Variants in ARFIP2 observed in about 807,000 individuals in gnomAD.
ARFIP2 encodes arfaptin-2.
In ARFIP2, 14 loss-of-function variants were observed where a neutral mutation model predicts 39.2. The observed-to-expected ratio is 0.36, with a 90% CI of 0.24 to 0.56. The LOEUF (loss-of-function observed/expected upper bound fraction) is 0.56. Ranked by LOEUF, ARFIP2 falls within the 20% of genes least tolerant of loss-of-function variation. The pLI, the probability that ARFIP2 is intolerant of heterozygous loss-of-function variation, is 0.85. For synonymous variants in ARFIP2, 167 were observed against 172.4 expected, an observed-to-expected ratio of 0.97 and a Z score of 0.24; for missense variants, 305 against 422.5, an observed-to-expected ratio of 0.72 and a Z score of 2.44.
At chr11:6,479,018 A>T (rs1007788227) in intron 4 of ARFIP2, 59 bp from the exon 5 acceptor site, 6 of 1,591,726 alleles carry the variant, frequency 3.8e-6, no homozygotes, top group Non-Finnish European at 5.2e-6. Flanking sequence ...CACAACAGGT[A>T]TCTACCCCAG....
intron 3 of ARFIP2, 124 bp from the exon 4 acceptor site, chr11:6,479,382 G>A: frequency 6.3e-7 from 1 of 1,592,894 alleles, no homozygotes; most frequent in Non-Finnish European, 8.5e-7. Context: ...AGAGACAACT[G>A]GATGCTCCTG....
chr11:6,481,255 C>T lies in ARFIP2; in HGVS notation c.-67G>A, dbSNP rs867508075. 1.8e-4 allele frequency: 107 copies of T among 599,840 alleles called. No individual in the cohort carries two copies. Among genetic ancestry groups the T allele is most frequent in the South Asian group, 5.2e-4 (26 of 49,564 alleles). The allele number at this position is 599,840 out of a possible 1,614,324, so 37.2% of individuals were successfully genotyped here. On this transcript the variant is annotated 5_prime_UTR_variant, in exon 1 of 8. Transcript: ENST00000396777. ...CCTCGGGCCGGGCCGCTCTTCCCCT[C>T]AGGGCGCCAGGCCCGGGCCGCGCGG...
rs751896921 is a variant in ARFIP2 at position 6,477,901 on chromosome 11, G to T, written c.696-9C>A. 6.2e-7 allele frequency: 1 copy of T among 1,613,396 alleles called. No individual in the cohort carries two copies. The highest frequency in any genetic ancestry group is 1.1e-5 in the South Asian group (1 of 91,060). Reference sequence around the variant, plus strand: ...AGGCATCATATTCCAGCCTGGGGAGGGGGTGATAAAGGCTGGTCTCCACTC... The same window carrying T: ...AGGCATCATATTCCAGCCTGGGGAGTGGGTGATAAAGGCTGGTCTCCACTC... On this transcript the variant is annotated splice_polypyrimidine_tract_variant and intron_variant, in intron 6 of 7. Transcript: ENST00000396777. This position sits in a 1 kb window ranked among gnomAD's most constrained non-coding sequence, Gnocchi z 4.8.
Position 6,478,686 on chromosome 11 carries a change from C to T in ARFIP2, c.537+52G>A. ...GGGAGGGAGGATGAGGAATGACTGC[C>T]TGGGAGGGCCCATGCCCAGTTCCCC... On this transcript the variant is annotated intron_variant, in intron 5 of 7. Transcript: ENST00000396777. The surrounding 1 kb of genome is among the most constrained non-coding windows in gnomAD (Gnocchi z 4.8). 1 of 1,571,282 alleles carries T rather than the reference C, an allele frequency of 6.4e-7. No individual in the cohort carries two copies. Among genetic ancestry groups the T allele is most frequent in the South Asian group, 1.2e-5 (1 of 86,222 alleles).
At chr11:6,480,218 G>C in intron 2 of ARFIP2, 105 bp downstream of exon 2, 2 of 1,298,648 alleles carry the variant, frequency 1.5e-6, no homozygotes, top group Non-Finnish European at 2.2e-6. Context: ...AGAATGAAGG[G>C]AGTCAGATAA....
In ARFIP2 at chr11:6,479,409, C is replaced by T. The variant is rs545760811; in HGVS notation, c.197-151G>A. On this transcript the variant is annotated intron_variant, in intron 3 of 7. Coordinates refer to ENST00000396777, the MANE Select transcript of ARFIP2 (RefSeq NM_001376558.2). ...ATGCTCCTGCTTACTAGGAGGAACT[C>T]GGACTTTGCGCGGTGAGAACCAAAT... The T allele has an allele frequency of 5.7e-5, 88 of 1,534,860 alleles. No individual in the cohort carries two copies. In the Admixed American group the frequency reaches 1.2e-3, roughly 21 times the overall value.
At position 6,478,444 on chromosome 11, in the gene ARFIP2, G is replaced by A; in HGVS notation, c.538-246C>T. ...CAAGACTGGAACAGTCTGAGAGCTA[G>A]TGTGGCAAGCAGGGGAGGGGCTCTG... On this transcript the variant is annotated intron_variant, in intron 5 of 7. Coordinates refer to ENST00000396777, the MANE Select transcript of ARFIP2 (RefSeq NM_001376558.2). This position sits in a 1 kb window ranked among gnomAD's most constrained non-coding sequence, Gnocchi z 4.8. 1 of 991,562 alleles carries A rather than the reference G, an allele frequency of 1.0e-6. No individual in the cohort carries two copies. The highest frequency in any genetic ancestry group is 2.6e-5 in the East Asian group (1 of 37,910). The allele number at this position is 991,562 out of a possible 1,614,324, so 61.4% of individuals were successfully genotyped here.
rs780656685 is a variant in ARFIP2, at chr11:6,478,713, A to C, written c.537+25T>G. ...GGGAGGGCCCATGCCCAGTTCCCCC[A>C]CCCTCTTTGGTCTGGGTGAGGCACC... On this transcript the variant is annotated intron_variant, in intron 5 of 7. Coordinates refer to ENST00000396777, the MANE Select transcript of ARFIP2 (RefSeq NM_001376558.2). This position sits in a 1 kb window ranked among gnomAD's most constrained non-coding sequence, Gnocchi z 4.8. 2 of 1,599,510 alleles carry C rather than the reference A, an allele frequency of 1.3e-6. No homozygotes were observed. Among genetic ancestry groups the C allele is most frequent in the Non-Finnish European group, 1.7e-6 (2 of 1,169,520 alleles).
Position 6,477,979 on chromosome 11 carries a change from T to C in ARFIP2, c.695+62A>G. On this transcript the variant is annotated intron_variant, in intron 6 of 7. Coordinates refer to ENST00000396777, the MANE Select transcript of ARFIP2 (RefSeq NM_001376558.2). This position sits in a 1 kb window ranked among gnomAD's most constrained non-coding sequence, Gnocchi z 4.8. Reference sequence around the variant, plus strand: ...CCTTCCTGAATTCTTATGCCCCTAATGCCCAAATTTCCACCCATACCAGCC... The same window carrying C: ...CCTTCCTGAATTCTTATGCCCCTAACGCCCAAATTTCCACCCATACCAGCC... 6.2e-7 allele frequency: 1 copy of C among 1,605,850 alleles called. No homozygotes were observed. Among genetic ancestry groups the C allele is most frequent in the Non-Finnish European group, 8.5e-7 (1 of 1,174,094 alleles).
rs750272738 is a variant in ARFIP2 at position 6,479,234 on chromosome 11, C to T, written c.221G>A (p.Ser74Asn). 8 of 1,614,050 alleles carry T rather than the reference C, an allele frequency of 5.0e-6. No homozygotes were observed. The highest frequency in any genetic ancestry group is 2.2e-5 in the East Asian group (1 of 44,894). The change falls in exon 4 of 8, where the codon AGC becomes AAC. Residue 74 changes from serine (S) to asparagine (N), a missense_variant. Around this residue, in one of 3 missense-constraint regions of ARFIP2, gnomAD observed 151 missense variants for 203.1 expected, o/e 0.74. Transcript: ENST00000396777. ...ATCTCCAGGGCCAGAAGGAGTGGTG[C>T]TGTGAGATGGATGGCGGCCAGACCC... is the stretch of plus-strand genomic sequence containing the variant. ...PTGSGRHPSH[S>N]TTPSGPGDEV...
Position 6,479,219 on chromosome 11 carries a change from C to A in ARFIP2, c.236G>T (p.Gly79Val). The A allele has an allele frequency of 1.2e-6, 2 of 1,614,146 alleles. No individual in the cohort carries two copies. The highest frequency in any genetic ancestry group is 2.2e-5 in the South Asian group (2 of 91,084). ...GCCCCGAGCCACCTCATCTCCAGGGCCAGAAGGAGTGGTGCTGTGAGATGG... is the reference window on the plus strand; with the variant it reads ...GCCCCGAGCCACCTCATCTCCAGGGACAGAAGGAGTGGTGCTGTGAGATGG... ...RHPSHSTTPS[G>V]PGDEVARGIA... Residue 79 changes from glycine (G) to valine (V), a missense_variant, in exon 4 of 8, where the codon GGC (glycine) becomes GTC (valine). Coordinates refer to ENST00000396777, the MANE Select transcript of ARFIP2 (RefSeq NM_001376558.2).
chr11:6,478,947 G>T lies in ARFIP2; in HGVS notation c.328C>A (p.Leu110Met). The change falls in exon 5 of 8, where the codon CTG (leucine) becomes ATG (methionine). Residue 110 changes from leucine to methionine, a missense_variant. Physicochemically the swap from Leu to Met is conservative, Grantham distance 15. Transcript: ENST00000396777. This position sits in a 1 kb window ranked among gnomAD's most constrained non-coding sequence, Gnocchi z 4.8. ...GINTYKCTKQ[L>M]LSERFGRGSR... ...CCTCGACCAAATCGTTCTGATAACA[G>T]TTGCTTTGTGCACTGATTGGGAAAT... The T allele has an allele frequency of 2.5e-6, 4 of 1,614,176 alleles. No homozygotes were observed. The highest frequency in any genetic ancestry group is 3.4e-6 in the Non-Finnish European group (4 of 1,180,004).
intron 4 of ARFIP2, 64 bp from the exon 5 acceptor site, chr11:6,479,023 C>T: frequency 6.3e-7 from 1 of 1,578,736 alleles, no homozygotes; most frequent in Non-Finnish European, 8.7e-7. Flanking sequence ...CAGGTATCTA[C>T]CCCAGCACCC....
rs963644403 is a variant in ARFIP2 at position 6,479,886 on chromosome 11, C to G, written c.196+86G>C. On this transcript the variant is annotated intron_variant, in intron 3 of 7. Transcript: ENST00000396777. ...GTTCCCAAGATCTCCAGACATAATT[C>G]AAGCTTTCCTAGACATATCCTATGC... The G allele has an allele frequency of 1.5e-5, 20 of 1,336,006 alleles. No homozygotes were observed. The African/African-American group carries it at 2.5e-4, about 16-fold the overall frequency. 82.8% of individuals were successfully genotyped at this position (1,336,006 alleles called of 1,614,324 possible).
chr11:6,477,592 G>T lies in ARFIP2; in HGVS notation c.870+126C>A. 1 of 1,106,372 alleles carries T rather than the reference G, an allele frequency of 9.0e-7. No homozygotes were observed. Among genetic ancestry groups the T allele is most frequent in the Non-Finnish European group, 1.3e-6 (1 of 785,330 alleles). The allele number at this position is 1,106,372 out of a possible 1,614,324, so 68.5% of individuals were successfully genotyped here. On this transcript the variant is annotated intron_variant, in intron 7 of 7. Transcript: ENST00000396777. The surrounding 1 kb of genome is among the most constrained non-coding windows in gnomAD (Gnocchi z 4.8). ...GGTGATCTGGAAAGGCCCAGGGGTTGAGGGGGTGAACACTCTACTCCCCAG... is the reference window on the plus strand; with the variant it reads ...GGTGATCTGGAAAGGCCCAGGGGTTTAGGGGGTGAACACTCTACTCCCCAG...
chr11:6,479,179 C>T lies in ARFIP2; in HGVS notation c.276G>A (p.Lys92=). The stretch of plus-strand genomic sequence containing the variant: ...TGCCCCATTTCTTGACGATGTCAAA[C>T]TTTTCTCCAGCAATGCCCCGAGCCA... ...DEVARGIAGE[K]FDIVKKWGIN... is the part of the protein sequence containing the mutation. Residue 92 remains lysine, a synonymous_variant, in exon 4 of 8, where the codon AAG becomes AAA. Transcript: ENST00000396777. 1 of 1,614,142 alleles carries T rather than the reference C, an allele frequency of 6.2e-7. No individual in the cohort carries two copies. Among genetic ancestry groups the T allele is most frequent in the Non-Finnish European group, 8.5e-7 (1 of 1,180,026 alleles).
chr11:6,477,991 C>T lies in ARFIP2; in HGVS notation c.695+50G>A, dbSNP rs776405889. 31 of 1,606,138 alleles carry T rather than the reference C, an allele frequency of 1.9e-5. No homozygotes were observed. Among genetic ancestry groups the T allele is most frequent in the African/African-American group, 9.4e-5 (7 of 74,582 alleles). On this transcript the variant is annotated intron_variant, in intron 6 of 7. Transcript: ENST00000396777. This position sits in a 1 kb window ranked among gnomAD's most constrained non-coding sequence, Gnocchi z 4.8. ...CTTATGCCCCTAATGCCCAAATTTC[C>T]ACCCATACCAGCCAACTCCCCAAAC...
chr11:6,477,570 G>T lies in ARFIP2; in HGVS notation c.870+148C>A. The stretch of plus-strand genomic sequence containing the variant: ...AAGGGCCAGGAATTGGAGGGAGGGT[G>T]ATCTGGAAAGGCCCAGGGGTTGAGG... On this transcript the variant is annotated intron_variant, in intron 7 of 7. Transcript: ENST00000396777. The surrounding 1 kb of genome is among the most constrained non-coding windows in gnomAD (Gnocchi z 4.8). 1 of 911,498 alleles carries T rather than the reference G, an allele frequency of 1.1e-6. No individual in the cohort carries two copies. Among genetic ancestry groups the T allele is most frequent in the Non-Finnish European group, 1.6e-6 (1 of 618,372 alleles). The allele number at this position is 911,498 out of a possible 1,614,324, so 56.5% of individuals were successfully genotyped here. A position where few individuals can be genotyped will look rare whatever the true frequency, so the allele number is the denominator to read the frequency against.
chr11:6,481,287 CG>C lies in ARFIP2; in HGVS notation c.-100del. 1 of 662,424 alleles carries C rather than the reference CG, an allele frequency of 1.5e-6. No homozygotes were observed. The highest frequency in any genetic ancestry group is 2.5e-6 in the Non-Finnish European group (1 of 394,226). 41.0% of individuals were successfully genotyped at this position (662,424 alleles called of 1,614,324 possible). ...CCAGGCCCGGGCCGCGCGGGGACCT[CG>C]GGCTCCAGTTCCCGTCGCGATCCTA... is the stretch of plus-strand genomic sequence containing the variant. On this transcript the variant is annotated 5_prime_UTR_variant, in exon 1 of 8. Coordinates refer to ENST00000396777, the MANE Select transcript of ARFIP2 (RefSeq NM_001376558.2).
Sources: allele counts gnomAD v4.1 joint callset, GRCh38; gene constraint gnomAD v4.1.1; regional missense constraint gnomAD v4.1.1; non-coding constraint Gnocchi (gnomAD v3.1); transcripts MANE v1.5; gene names NCBI Gene and HGNC (gene_info 2026-07-23, HGNC 2026-07-21).